Variants in MTHFS observed in about 807,000 individuals in gnomAD.
MTHFS encodes the protein 5-formyltetrahydrofolate cyclo-ligase.
Under a neutral mutation model 12.7 loss-of-function variants are expected in MTHFS, and 7 were observed. The observed-to-expected ratio is 0.55, with a 90% CI of 0.31 to 1.03. The LOEUF (loss-of-function observed/expected upper bound fraction) is 1.03, where lower values mean the gene tolerates loss of function less well. Among genes scored for constraint, MTHFS ranks in the 50% least tolerant of loss-of-function variants. The pLI is 0.05. For synonymous variants in MTHFS, 100 were observed against 97.1 expected (o/e 1.03, Z -0.18); for missense variants, 252 against 258.1 (o/e 0.98, Z 0.16).
In MTHFS at chr15:79,844,366, C is replaced by T. The variant is rs1009239648; in HGVS notation, c.*844G>A. The stretch of plus-strand genomic sequence containing the variant: ...ATAGATTTAAGAGGCATTTCAGAGG[C>T]AAAATCAACAAGACCTGGTGACAGG... On this transcript the variant is annotated 3_prime_UTR_variant, in exon 3 of 3. Transcript: ENST00000258874. 2 of 152,248 alleles carry T rather than the reference C, an allele frequency of 1.3e-5. No individual in the cohort carries two copies. The highest frequency in any genetic ancestry group is 1.3e-4 in the Admixed American group (2 of 15,268). The allele number at this position is 152,248 out of a possible 1,614,324, so 9.4% of individuals were successfully genotyped here.
chr15:79,854,280 C>T (rs1377166444), intron 2 of MTHFS, among the ~76,000 whole-genome samples: 1 of 152,126 alleles, frequency 6.6e-6, no homozygotes, highest in Non-Finnish European at 1.5e-5. Context: ...TGGTACAGTC[C>T]CTGGGGTAGC....
At chr15:79,870,811 A>AT (rs1189370081) in intron 2 of MTHFS, among the ~76,000 whole-genome samples, 1 of 152,240 alleles carries the variant, frequency 6.6e-6, no homozygotes, top group Admixed American at 6.5e-5. Flanking sequence ...ACTACTATTA[A>AT]TTTTAAACAC....
chr15:79,868,386 G>A (rs1199624511), intron 2 of MTHFS, among the ~76,000 whole-genome samples: 1 of 152,182 alleles, frequency 6.6e-6, no homozygotes, highest in Non-Finnish European at 1.5e-5. Flanking sequence ...CCTCATAGAA[G>A]ATAATCTTCT....
intron 2 of MTHFS, among the ~76,000 whole-genome samples, chr15:79,847,526 T>C (rs1456980107): frequency 6.6e-6 from 1 of 151,592 alleles, no homozygotes; most frequent in Non-Finnish European, 1.5e-5. Context: ...CTACTAAAAA[T>C]ACAAAATATT....
At chr15:79,859,816 T>TG (rs2033878711) in intron 2 of MTHFS, among the ~76,000 whole-genome samples, 1 of 52,850 alleles carries the variant, frequency 1.9e-5, no homozygotes, top group Non-Finnish European at 3.5e-5. Context: ...AGAATACATG[T>TG]CAAAAAAAAA....
chr15:79,882,363 T>C (rs142452679), intron 2 of MTHFS, among the ~76,000 whole-genome samples: 1 of 152,338 alleles, frequency 6.6e-6, no homozygotes, highest in African/African-American at 2.4e-5. Context: ...AATAAATGTC[T>C]GTTATTTAAG....
intron 2 of MTHFS, among the ~76,000 whole-genome samples, chr15:79,850,552 G>C (rs1429533852): frequency 6.6e-6 from 1 of 152,180 alleles, no homozygotes; most frequent in East Asian, 1.9e-4. Flanking sequence ...AACAGGTGGA[G>C]GGCCAGATTT....
chr15:79,881,337 G>A (rs969636505), intron 2 of MTHFS, among the ~76,000 whole-genome samples: 1 of 152,110 alleles, frequency 6.6e-6, no homozygotes, highest in African/African-American at 2.4e-5. Flanking sequence ...AGAATAACAG[G>A]GCATAACCCC....
At chr15:79,890,337 C>T (rs1237895293) in intron 1 of MTHFS, among the ~76,000 whole-genome samples, 1 of 151,152 alleles carries the variant, frequency 6.6e-6, no homozygotes, top group Non-Finnish European at 1.5e-5. Flanking sequence ...AGGCAGTCCT[C>T]CTGCCTCAGC....
Position 79,845,282 on chromosome 15 carries a change from G to A in MTHFS, c.540C>T (p.Cys180=), listed in dbSNP as rs1169481107. 6.2e-7 allele frequency: 1 copy of A among 1,614,130 alleles called. No homozygotes were observed. The highest frequency in any genetic ancestry group is 8.5e-7 in the Non-Finnish European group (1 of 1,180,028). The part of the protein sequence containing the change: ...TLALAFKEQI[C]LQVPVNENDM... ...CGTTTTCATTCACTGGGACCTGGAG[G>A]CAAATCTGTTCTTTGAAAGCCAACG... Residue 180 remains cysteine (C), a synonymous_variant, in exon 3 of 3, where the codon TGC becomes TGT. Coordinates refer to ENST00000258874, the MANE Select transcript of MTHFS (RefSeq NM_006441.4).
chr15:79,853,149 T>A (rs1229736347), intron 2 of MTHFS, among the ~76,000 whole-genome samples: 1 of 152,090 alleles, frequency 6.6e-6, no homozygotes, highest in Non-Finnish European at 1.5e-5. Context: ...GAAAGAAGAG[T>A]GGCTACCTCT....
intron 2 of MTHFS, among the ~76,000 whole-genome samples, chr15:79,863,502 C>T (rs1345940645): frequency 2.6e-5 from 4 of 152,194 alleles, no homozygotes; most frequent in Non-Finnish European, 4.4e-5. Context: ...GAGCTGAATG[C>T]AGCAGAGGCT....
At chr15:79,859,184 G>C (rs1029372417) in intron 2 of MTHFS, among the ~76,000 whole-genome samples, 4 of 152,156 alleles carry the variant, frequency 2.6e-5, no homozygotes, top group Non-Finnish European at 5.9e-5. Context: ...TTCCAATCAA[G>C]CTCTCAAGGG....
At position 79,843,565 on chromosome 15, in the gene MTHFS, A is replaced by C. The variant is rs1377980451; in HGVS notation, c.*1645T>G. On this transcript the variant is annotated 3_prime_UTR_variant, in exon 3 of 3. Coordinates refer to ENST00000258874, the MANE Select transcript of MTHFS (RefSeq NM_006441.4). ...AGCCTGATATTTTTCAAATGTTTTT[A>C]CTTTTGTACATAAAACATCAAATTT... is the stretch of plus-strand genomic sequence containing the variant. The C allele has an allele frequency of 2.0e-5, 3 of 152,150 alleles. No homozygotes were observed. Among genetic ancestry groups the C allele is most frequent in the Non-Finnish European group, 4.4e-5 (3 of 68,020 alleles). 9.4% of individuals were successfully genotyped at this position (152,150 alleles called of 1,614,324 possible). A position where few individuals can be genotyped will look rare whatever the true frequency, so the allele number is the denominator to read the frequency against.
At chr15:79,876,608 C>T (rs1248510071) in intron 2 of MTHFS, 2 of 131,766 alleles carry the variant, frequency 1.5e-5, no homozygotes, top group Non-Finnish European at 3.2e-5. Context: ...GTGTGAGACT[C>T]CATCCCAAAA....
At chr15:79,869,718 G>A (rs1235742455) in intron 2 of MTHFS, among the ~76,000 whole-genome samples, 1 of 152,116 alleles carries the variant, frequency 6.6e-6, no homozygotes, top group Non-Finnish European at 1.5e-5. Flanking sequence ...ACAGGCATGA[G>A]CCACCATGCC....
At chr15:79,879,319 C>A (rs1395189225) in intron 2 of MTHFS, among the ~76,000 whole-genome samples, 1 of 139,232 alleles carries the variant, frequency 7.2e-6, no homozygotes, top group Non-Finnish European at 1.5e-5. Context: ...TAAATTATTA[C>A]CCTTTTTTTT....
intron 2 of MTHFS, among the ~76,000 whole-genome samples, chr15:79,880,384 C>T (rs2034276279): frequency 6.6e-6 from 1 of 151,768 alleles, no homozygotes; most frequent in Admixed American, 6.6e-5. Context: ...CCGGCCTCTG[C>T]TTGTTTATTT....
intron 2 of MTHFS, among the ~76,000 whole-genome samples, chr15:79,846,330 C>T (rs747733363): frequency 6.6e-6 from 1 of 152,188 alleles, no homozygotes; most frequent in Non-Finnish European, 1.5e-5. Flanking sequence ...GCCCTGTAGC[C>T]TCCTTATACT....
Sources: gnomAD v4.1 joint callset for allele counts (sites outside exome capture counted in the v4.1 genomes callset) on GRCh38, gnomAD v4.1.1 for gene constraint, MANE v1.5 for transcripts, NCBI Gene and HGNC (gene_info 2026-07-23, HGNC 2026-07-21) for gene names.